MYO1C: variants seen among roughly 807,000 people sequenced by gnomAD.
MYO1C encodes myosin IC.
In MYO1C, 104 loss-of-function variants were observed where a neutral mutation model predicts 150.8. The ratio of observed to expected loss-of-function variants is 0.69; its 90% CI spans 0.59 to 0.81. The LOEUF (loss-of-function observed/expected upper bound fraction) is 0.81, where lower values mean the gene tolerates loss of function less well. MYO1C is among the 30% of genes least tolerant of loss of function. The pLI is 0.00. For synonymous variants in MYO1C, 663 were observed against 579.9 expected, an observed-to-expected ratio of 1.14 and a Z score of -2.06; for missense variants, 1,504 against 1,435.0, an observed-to-expected ratio of 1.05 and a Z score of -0.78.
rs1371129707 is a variant in MYO1C at position 1,468,412 on chromosome 17, T to G, written c.2695A>C (p.Thr899Pro). The change falls in exon 26 of 32, where the codon ACT becomes CCT. Residue 899 changes from threonine to proline, a missense_variant. Physicochemically the swap from Thr to Pro is conservative, Grantham distance 38 (BLOSUM62 -1). Transcript: ENST00000648651. ...PQSVPRLFIS[T>P]RLGTDEISPR... ...AAAGTCAGGGGCTCACCAAGCCGAG[T>G]GCTGATGAAGAGCCTGGGTACACTC... 1 of 1,613,946 alleles carries G rather than the reference T, an allele frequency of 6.2e-7. No homozygotes were observed. The highest frequency in any genetic ancestry group is 8.5e-7 in the Non-Finnish European group (1 of 1,179,922).
At position 1,479,737 on chromosome 17, in the gene MYO1C, G is replaced by A; in HGVS notation, c.907-32C>T. 6.5e-7 allele frequency: 1 copy of A among 1,540,002 alleles called. No individual in the cohort carries two copies. The highest frequency in any genetic ancestry group is 8.9e-7 in the Non-Finnish European group (1 of 1,125,136). On this transcript the variant is annotated intron_variant, in intron 7 of 31. Transcript: ENST00000648651. This position sits in a 1 kb window ranked among gnomAD's most constrained non-coding sequence, Gnocchi z 4.2. ...GAGCAGGCCGGGGGCAGGAGGGGGT[G>A]AGAGGGGCCAGAGAGCCCCAAGAGG...
intron 31 of MYO1C, 117 bp downstream of exon 31, chr17:1,467,125 G>T (rs2074189251): frequency 2.2e-5 from 21 of 948,308 alleles, no homozygotes; most frequent in Non-Finnish European, 3.4e-5. Context: ...TGGAAGAGGT[G>T]GTATGATGGC....
At chr17:1,491,869 C>G in intron 1 of MYO1C, 1 of 170,280 alleles carries the variant, frequency 5.9e-6, no homozygotes, top group Non-Finnish European at 1.2e-5. Context: ...GCCGAAGACC[C>G]GGCTCCCCGC....
chr17:1,469,647 C>T lies in MYO1C; in HGVS notation c.2527-33G>A, dbSNP rs755394751. ...GAGGAGTGAGGTCAGAGGTCCTGGA[C>T]ACCCTGGGCCCTTCCCTCTGAAGAC... On this transcript the variant is annotated intron_variant, in intron 24 of 31. Coordinates refer to ENST00000648651, the MANE Select transcript of MYO1C (RefSeq NM_001080779.2). 11 of 1,531,378 alleles carry T rather than the reference C, an allele frequency of 7.2e-6. No homozygotes were observed. The South Asian group carries it at 1.0e-4, about 14-fold the overall frequency. The allele number at this position is 1,531,378 out of a possible 1,614,324, so 94.9% of individuals were successfully genotyped here. A position where few individuals can be genotyped will look rare whatever the true frequency, so the allele number is the denominator to read the frequency against.
rs2074310954 is a variant in MYO1C, at chr17:1,471,914, G to A, written c.2014C>T (p.Leu672=). The change falls in exon 19 of 32, where the codon CTG becomes TTG. Residue 672 remains leucine, a synonymous_variant. Transcript: ENST00000648651. The part of the protein sequence containing the change: ...FAYRRKYEAF[L]QRYKSLCPET... Reference sequence around the variant, plus strand: ...AGCAGGACCTGCCCCCACCTTTGCAGGAAAGCTTCGTATTTGCGGCGATAG... The same window carrying A: ...AGCAGGACCTGCCCCCACCTTTGCAAGAAAGCTTCGTATTTGCGGCGATAG... The A allele has an allele frequency of 6.2e-7, 1 of 1,614,098 alleles. No homozygotes were observed. The highest frequency in any genetic ancestry group is 2.2e-5 in the East Asian group (1 of 44,886).
Position 1,477,588 on chromosome 17 carries a change from C to T in MYO1C, c.1491G>A (p.Glu497=). 6.2e-7 allele frequency: 1 copy of T among 1,613,364 alleles called. No homozygotes were observed. The highest frequency in any genetic ancestry group is 8.5e-7 in the Non-Finnish European group (1 of 1,179,922). ...CTGTGGCCTCCCCGGGGCGCAGACACTCCTCATCCTGGGGGGTGTGGCACA... is the reference window on the plus strand; with the variant it reads ...CTGTGGCCTCCCCGGGGCGCAGACATTCCTCATCCTGGGGGGTGTGGCACA... ...FKGIISILDE[E]CLRPGEATDL... is the part of the protein sequence containing the mutation. The change falls in exon 14 of 32, where the codon GAG becomes GAA. Residue 497 remains glutamate (E), a synonymous_variant. Coordinates refer to ENST00000648651, the MANE Select transcript of MYO1C (RefSeq NM_001080779.2).
At chr17:1,485,579 T>C (rs1028469213) in intron 1 of MYO1C, 18 of 844,176 alleles carry the variant, frequency 2.1e-5, no homozygotes, top group South Asian at 5.1e-5. Context: ...CCCGGGACGT[T>C]TTTCCACCCG....
At chr17:1,468,766 C>T in intron 25 of MYO1C, 1 of 537,026 alleles carries the variant, frequency 1.9e-6, no homozygotes, top group Admixed American at 3.1e-5. Flanking sequence ...CCCCATCAGG[C>T]CCTGGTGGCC....
At chr17:1,485,692 A>G in intron 1 of MYO1C, 1 of 1,206,458 alleles carries the variant, frequency 8.3e-7, no homozygotes, top group Non-Finnish European at 1.0e-6. Flanking sequence ...CCCCAGGCTC[A>G]CCGACGCCCG....
intron 7 of MYO1C, among the ~76,000 whole-genome samples, chr17:1,480,125 A>C (rs2074486913): frequency 7.3e-6 from 1 of 137,478 alleles, no homozygotes; most frequent in Non-Finnish European, 1.6e-5. Flanking sequence ...AGCCTGGGCG[A>C]AAGAGCGAGA....
intron 27 of MYO1C, 65 bp from the exon 28 acceptor site, chr17:1,468,188 C>T: frequency 2.5e-6 from 4 of 1,611,154 alleles, no homozygotes; most frequent in Admixed American, 1.7e-5. Context: ...CCTGCCCTGA[C>T]CTGCCTTCAG....
In MYO1C at chr17:1,482,459, A is replaced by G; in HGVS notation, c.627+19T>C. On this transcript the variant is annotated intron_variant, in intron 5 of 31. Transcript: ENST00000648651. ...AGCCTACTGAATGGGAATCCTCACG[A>G]CACACACATCCATGGTACCTTGAAG... The G allele has an allele frequency of 6.2e-7, 1 of 1,609,882 alleles. No homozygotes were observed.
Position 1,465,743 on chromosome 17 carries a change from G to A in MYO1C, c.3175C>T (p.Arg1059Trp). 3.8e-6 allele frequency: 5 copies of A among 1,324,778 alleles called. No homozygotes were observed. Among genetic ancestry groups the A allele is most frequent in the Middle Eastern group, 2.0e-4 (1 of 4,948 alleles). 82.1% of individuals were successfully genotyped at this position (1,324,778 alleles called of 1,614,324 possible). ...KNGHLAVVAPRLNSR is the reference protein window; with the variant it reads ...KNGHLAVVAPWLNSR ...CGCCTTTATCACCGAGAATTCAGCC[G>A]TGGGGCGACCTGTGGGGGCGGAGAG... The change falls in exon 32 of 32, where the codon CGG becomes TGG. Residue 1059 changes from arginine (R) to tryptophan (W), a missense_variant. Physicochemically the swap from Arg to Trp is moderately radical, Grantham distance 101. Transcript: ENST00000648651.
chr17:1,474,583 C>T (rs1292894197), intron 17 of MYO1C, 27 bp downstream of exon 17: 5 of 1,608,406 alleles, frequency 3.1e-6, no homozygotes, highest in Non-Finnish European at 4.3e-6. Context: ...GCATGCACCC[C>T]TGCGCCCGGT....
intron 21 of MYO1C, 92 bp downstream of exon 21, chr17:1,470,979 G>A (rs2074290823): frequency 3.7e-6 from 5 of 1,353,650 alleles, no homozygotes; most frequent in African/African-American, 1.4e-5. Context: ...GATAGGGAGG[G>A]GTGGACTCCC....
rs755508789 is a variant in MYO1C, at chr17:1,483,032, T to C, written c.375A>G (p.Arg125=). 3 of 1,610,858 alleles carry C rather than the reference T, an allele frequency of 1.9e-6. No individual in the cohort carries two copies. The highest frequency in any genetic ancestry group is 2.7e-5 in the African/African-American group (2 of 74,798). The change falls in exon 4 of 32, where the codon CGA becomes CGG. Residue 125 remains arginine (R), a synonymous_variant. Coordinates refer to ENST00000648651, the MANE Select transcript of MYO1C (RefSeq NM_001080779.2). ...HLFAVADTVY[R]ALRTERRDQA... The stretch of plus-strand genomic sequence containing the variant: ...GGTCCCGACGCTCCGTGCGCAGTGC[T>C]CGGTACACAGTGTCCGCCACGGCAA...
chr17:1,481,253 T>G, intron 5 of MYO1C: 1 of 287,934 alleles, frequency 3.5e-6, no homozygotes, highest in Non-Finnish European at 6.7e-6. Flanking sequence ...GACTTGGCAG[T>G]CCTCCTGGAA....
rs2074215257 is a variant in MYO1C at position 1,467,999 on chromosome 17, G to A, written c.2885C>T (p.Ala962Val). 6.2e-7 allele frequency: 1 copy of A among 1,612,726 alleles called. No individual in the cohort carries two copies. The highest frequency in any genetic ancestry group is 1.3e-5 in the African/African-American group (1 of 74,476). ...DAKVKQRIDYANLTGISVSSL... is the reference protein window; with the variant it reads ...DAKVKQRIDYVNLTGISVSSL... ...GGACCCTGGCTGACCGGTCAGGTTG[G>A]CGTAATCAATCCTCTGCTTGACTTT... Residue 962 changes from alanine to valine, a missense_variant, in exon 28 of 32, where the codon GCC becomes GTC. By Grantham distance (64) the Ala-to-Val change is moderately conservative (BLOSUM62 0). Coordinates refer to ENST00000648651, the MANE Select transcript of MYO1C (RefSeq NM_001080779.2).
At chr17:1,481,562 G>A (rs1406662508) in intron 5 of MYO1C, among the ~76,000 whole-genome samples, 1 of 152,054 alleles carries the variant, frequency 6.6e-6, no homozygotes, top group Non-Finnish European at 1.5e-5. Context: ...GTGCAGTAGT[G>A]CAATCACAGT....
Sources: allele counts gnomAD v4.1 joint callset (sites outside exome capture counted in the v4.1 genomes callset), GRCh38; gene constraint gnomAD v4.1.1; non-coding constraint Gnocchi (gnomAD v3.1); transcripts MANE v1.5; gene names NCBI Gene and HGNC (gene_info 2026-07-23, HGNC 2026-07-21).